PPP6R1: variants seen among roughly 807,000 people sequenced by gnomAD.
The protein encoded by PPP6R1 is serine/threonine-protein phosphatase 6 regulatory subunit 1.
PPP6R1 carries 39 observed loss-of-function variants against 104.6 expected under a neutral mutation model. The observed-to-expected ratio is 0.37, with a 90% CI of 0.29 to 0.49. PPP6R1 has a LOEUF of 0.49. PPP6R1 is among the 20% of genes least tolerant of loss of function. The pLI is 0.98. For missense variants in PPP6R1, 1,181 were observed against 1,155.8 expected, an observed-to-expected ratio of 1.02 and a Z score of -0.32; for synonymous variants, 549 against 479.0, an observed-to-expected ratio of 1.15 and a Z score of -1.91.
chr19:55,240,361 G>A, intron 10 of PPP6R1, 61 bp from the exon 11 acceptor site: 1 of 1,493,266 alleles, frequency 6.7e-7, no homozygotes, highest in Non-Finnish European at 9.1e-7. Flanking sequence ...GGGGAGCTCT[G>A]CACTGCAGCA....
At chr19:55,243,674 G>C (rs1299881070) in intron 5 of PPP6R1, among the ~76,000 whole-genome samples, 1 of 146,802 alleles carries the variant, frequency 6.8e-6, no homozygotes, top group African/African-American at 2.7e-5. Flanking sequence ...TCAAAAAAAA[G>C]ACACGGCCTC....
chr19:55,231,380 G>A (rs371100798), intron 21 of PPP6R1, 30 bp downstream of exon 21: 91 of 1,555,988 alleles, frequency 5.8e-5, no homozygotes, highest in Admixed American at 2.1e-4. Context: ...GACTTCTCCC[G>A]ATACTAGGCA....
intron 1 of PPP6R1, 141 bp from the exon 2 acceptor site, chr19:55,247,250 G>A (rs376600792): frequency 9.3e-5 from 82 of 879,676 alleles, no homozygotes; most frequent in African/African-American, 4.0e-4. Context: ...TGCTGAGCCC[G>A]GCCCCGCCCC....
At chr19:55,251,515 C>T (rs2087553327) in intron 1 of PPP6R1, among the ~76,000 whole-genome samples, 1 of 152,196 alleles carries the variant, frequency 6.6e-6, no homozygotes, top group South Asian at 2.1e-4. Context: ...TCGCCCTGGG[C>T]AGGCAATGGG....
rs1258119234 is a variant in PPP6R1, at chr19:55,231,616, T to C, written c.2359A>G (p.Lys787Glu). The C allele has an allele frequency of 3.7e-6, 6 of 1,611,878 alleles. No homozygotes were observed. The highest frequency in any genetic ancestry group is 2.2e-5 in the South Asian group (2 of 90,568). ...SAPQEATEGS[K>E]VTEPSAPCQA... The stretch of plus-strand genomic sequence containing the variant: ...GGCTCACCTGAGGGCTCCGTGACTT[T>C]GCTGCCTTCTGTGGCTTCCTGAGGT... The change falls in exon 20 of 24, where the codon AAA becomes GAA. Residue 787 changes from lysine (K) to glutamate (E), a missense_variant. Lys to Glu is a moderately conservative substitution (Grantham distance 56). Coordinates refer to ENST00000412770, the MANE Select transcript of PPP6R1 (RefSeq NM_014931.4).
At chr19:55,258,008 C>A (rs763455186) in intron 1 of PPP6R1, among the ~76,000 whole-genome samples, 3 of 152,202 alleles carry the variant, frequency 2.0e-5, no homozygotes, top group Admixed American at 6.5e-5. Context: ...AAGGAGGCTG[C>A]GCCACGGAAG....
chr19:55,230,455 G>A lies in PPP6R1; in HGVS notation c.*73C>T. The A allele has an allele frequency of 6.3e-7, 1 of 1,597,952 alleles. No homozygotes were observed. Among genetic ancestry groups the A allele is most frequent in the Non-Finnish European group, 8.6e-7 (1 of 1,169,528 alleles). On this transcript the variant is annotated 3_prime_UTR_variant, in exon 24 of 24. Transcript: ENST00000412770. The stretch of plus-strand genomic sequence containing the variant: ...ATGAGGGCAATGGGGGCCATCGTGG[G>A]ACCCGCCCTGCCCCCACCCCGGGAG...
rs370725750 is a variant in PPP6R1, at chr19:55,231,415, C to T, written c.2454G>A (p.Ser818=). Reference sequence around the variant, plus strand: ...AGCCCCACCTCGCTGCTCACCTGTCCGAGGAGCTGGGGGCAGAACGGATCC... The same window carrying T: ...AGCCCCACCTCGCTGCTCACCTGTCTGAGGAGCTGGGGGCAGAACGGATCC... ...FHGIRSAPSS[S]DSATRDPSTS... Residue 818 remains serine (S), a synonymous_variant, in exon 21 of 24, where the codon TCG becomes TCA. Coordinates refer to ENST00000412770, the MANE Select transcript of PPP6R1 (RefSeq NM_014931.4). The T allele has an allele frequency of 1.8e-4, 289 of 1,598,032 alleles. No homozygotes were observed. The highest frequency in any genetic ancestry group is 1.9e-4 in the Non-Finnish European group (227 of 1,173,238).
chr19:55,228,881 T>A, downstream of PPP6R1: 2 of 863,492 alleles, frequency 2.3e-6, no homozygotes, highest in Non-Finnish European at 3.7e-6. Flanking sequence ...GGAGATGTTG[T>A]CCTCACCCTG....
intron 5 of PPP6R1, chr19:55,242,694 C>A: frequency 1.8e-6 from 1 of 568,098 alleles, no homozygotes; most frequent in Non-Finnish European, 3.2e-6. Flanking sequence ...GAAGGCTCCC[C>A]AGGACAGGAG....
intron 1 of PPP6R1, among the ~76,000 whole-genome samples, chr19:55,247,534 A>C (rs968315827): frequency 7.2e-5 from 11 of 152,286 alleles, no homozygotes; most frequent in African/African-American, 2.6e-4. Context: ...TGGGTCCACT[A>C]TCCCTACTTT....
intron 17 of PPP6R1, among the ~76,000 whole-genome samples, chr19:55,234,708 T>C (rs2087380395): frequency 6.6e-6 from 1 of 152,198 alleles, no homozygotes; most frequent in African/African-American, 2.4e-5. Flanking sequence ...GCCTGTCAAC[T>C]GCAGAACAAG....
In PPP6R1 at chr19:55,231,916, C is replaced by A; in HGVS notation, c.2192G>T (p.Gly731Val). The change falls in exon 19 of 24, where the codon GGG (glycine) becomes GTG (valine). Residue 731 changes from glycine to valine, a missense_variant. Physicochemically the swap from Gly to Val is moderately radical, Grantham distance 109. Transcript: ENST00000412770. ...AGGCCCAGTGTGCAGCTCTTCCTCC[C>A]CGGAGACTCGGGGGCTGGTCGGGGC... is the stretch of plus-strand genomic sequence containing the variant. ...TDAPTSPRVS[G>V]EEELHTGPPA... The A allele has an allele frequency of 6.5e-7, 1 of 1,549,534 alleles. No individual in the cohort carries two copies. Among genetic ancestry groups the A allele is most frequent in the Non-Finnish European group, 8.7e-7 (1 of 1,144,808 alleles).
Position 55,231,956 on chromosome 19 carries a change from G to A in PPP6R1, c.2152C>T (p.Pro718Ser). The A allele has an allele frequency of 1.3e-6, 2 of 1,595,608 alleles. No homozygotes were observed. The highest frequency in any genetic ancestry group is 1.7e-6 in the Non-Finnish European group (2 of 1,168,022). The stretch of plus-strand genomic sequence containing the variant: ...CTGGTCGGGGCATCTGTAGGCACTG[G>A]GTCAAAGGTGGCTGTCCAGCTGGGG... ...PGPSWTATFD[P>S]VPTDAPTSPR... Residue 718 changes from proline to serine, a missense_variant, in exon 19 of 24, where the codon CCA (proline) becomes TCA (serine). Pro to Ser is a moderately conservative substitution (Grantham distance 74). This residue lies in a region of PPP6R1 where 1,042 missense variants were observed against 955.6 expected (regional missense o/e 1.09). Coordinates refer to ENST00000412770, the MANE Select transcript of PPP6R1 (RefSeq NM_014931.4).
chr19:55,252,479 A>G (rs1014102108), intron 1 of PPP6R1, among the ~76,000 whole-genome samples: 1 of 151,470 alleles, frequency 6.6e-6, no homozygotes, highest in Non-Finnish European at 1.5e-5. Context: ...GCTCACTGCA[A>G]TCTCCGCCTC....
At chr19:55,238,199 CCA>C (rs1182408766) in intron 15 of PPP6R1, among the ~76,000 whole-genome samples, 1 of 152,070 alleles carries the variant, frequency 6.6e-6, no homozygotes, top group African/African-American at 2.4e-5. Flanking sequence ...TGTGTCCAGC[CCA>C]GTTTTCACTT....
At position 55,239,516 on chromosome 19, in the gene PPP6R1, G is replaced by T; in HGVS notation, c.1654-14C>A. ...GTCCATGAAGGCCTGTGGGGGTGCG[G>T]AGGTTAGGGCTGGAGGGAGTTGGGC... On this transcript the variant is annotated splice_polypyrimidine_tract_variant and intron_variant, in intron 14 of 23. Coordinates refer to ENST00000412770, the MANE Select transcript of PPP6R1 (RefSeq NM_014931.4). The T allele has an allele frequency of 1.2e-6, 2 of 1,613,574 alleles. No individual in the cohort carries two copies. Among genetic ancestry groups the T allele is most frequent in the Non-Finnish European group, 8.5e-7 (1 of 1,179,632 alleles).
At chr19:55,250,102 G>A (rs2087541711) in intron 1 of PPP6R1, among the ~76,000 whole-genome samples, 1 of 152,210 alleles carries the variant, frequency 6.6e-6, no homozygotes, top group Non-Finnish European at 1.5e-5. Context: ...ATATCCAGGA[G>A]GCCCTGCGGG....
rs767483312 is a variant in PPP6R1, at chr19:55,231,938, G to A, written c.2170C>T (p.Pro724Ser). Residue 724 changes from proline (P) to serine (S), a missense_variant, in exon 19 of 24, where the codon CCG becomes TCG. Coordinates refer to ENST00000412770, the MANE Select transcript of PPP6R1 (RefSeq NM_014931.4). ...ATFDPVPTDAPTSPRVSGEEE... is the reference protein window; with the variant it reads ...ATFDPVPTDASTSPRVSGEEE... ...TCCCCGGAGACTCGGGGGCTGGTCG[G>A]GGCATCTGTAGGCACTGGGTCAAAG... 3.8e-6 allele frequency: 6 copies of A among 1,579,234 alleles called. No individual in the cohort carries two copies. The highest frequency in any genetic ancestry group is 1.3e-5 in the African/African-American group (1 of 74,204).
Sources: gnomAD v4.1 joint callset for allele counts (sites outside exome capture counted in the v4.1 genomes callset) on GRCh38, gnomAD v4.1.1 for gene constraint, gnomAD v4.1.1 regional missense constraint, MANE v1.5 for transcripts, NCBI Gene and HGNC (gene_info 2026-07-23, HGNC 2026-07-21) for gene names.